The following FGF18 variants were observed in gnomAD, a reference collection of about 807,000 sequenced individuals.
The protein encoded by FGF18 is fibroblast growth factor 18.
A neutral mutation model predicts 23.0 loss-of-function variants in FGF18; 5 were observed. That is an observed-to-expected ratio of 0.22 (90% CI 0.11 to 0.46). The LOEUF (loss-of-function observed/expected upper bound fraction) is 0.46. Ranked by LOEUF, FGF18 falls within the 20% of genes least tolerant of loss-of-function variation. The probability of loss-of-function intolerance (pLI) is 0.99; values close to 1 mark genes in which losing one functional copy is unlikely to be tolerated. For missense variants in FGF18, 180 were observed against 291.6 expected, an observed-to-expected ratio of 0.62 and a Z score of 2.79; for synonymous variants, 117 against 118.9, an observed-to-expected ratio of 0.98 and a Z score of 0.10.
chr5:171,431,814 T>G (rs1772186233), intron 2 of FGF18, among the ~76,000 whole-genome samples: 1 of 152,120 alleles, frequency 6.6e-6, no homozygotes, highest in African/African-American at 2.4e-5. Context: ...ATCCCAGCAC[T>G]TTGGGAGGCC....
At chr5:171,424,338 T>A in intron 2 of FGF18, among the ~76,000 whole-genome samples, 2 of 152,186 alleles carry the variant, frequency 1.3e-5, no homozygotes, top group East Asian at 3.9e-4. Context: ...GGAGCAGTGA[T>A]TTGCATGAAG....
chr5:171,452,123 A>T (rs937882786), intron 4 of FGF18, among the ~76,000 whole-genome samples: 30 of 152,232 alleles, frequency 2.0e-4, no homozygotes, highest in African/African-American at 6.5e-4. Context: ...AGCCTGAATT[A>T]TTCACATCAA....
chr5:171,441,256 C>G (rs1772339494), intron 3 of FGF18, among the ~76,000 whole-genome samples: 1 of 152,184 alleles, frequency 6.6e-6, no homozygotes, highest in Non-Finnish European at 1.5e-5. Context: ...GTCCATTTTC[C>G]ACACGCATCC....
chr5:171,437,606 G>A (rs1772270136), intron 3 of FGF18, among the ~76,000 whole-genome samples: 1 of 152,082 alleles, frequency 6.6e-6, no homozygotes, highest in African/African-American at 2.4e-5. Context: ...TCGGACCACA[G>A]CTTCCCTCCT....
intron 3 of FGF18, among the ~76,000 whole-genome samples, chr5:171,437,264 A>C (rs1772261617): frequency 6.6e-6 from 1 of 152,196 alleles, no homozygotes; most frequent in African/African-American, 2.4e-5. Flanking sequence ...GGACGTGACA[A>C]CAAGACAAAT....
intron 2 of FGF18, among the ~76,000 whole-genome samples, chr5:171,424,267 G>C (rs1455537487): frequency 6.6e-6 from 1 of 152,254 alleles, no homozygotes; most frequent in East Asian, 1.9e-4. Flanking sequence ...GCACTGTGAA[G>C]TGGAGTGAGG....
At chr5:171,444,070 G>A (rs3884606) in intron 3 of FGF18, among the ~76,000 whole-genome samples, 82,334 of 151,772 alleles carry the variant, frequency 0.54, 22,453 homozygotes, top group South Asian at 0.6. Flanking sequence ...CCCATCTCCC[G>A]GTATCAAAGG....
rs956042740 is a variant in FGF18 at position 171,456,473 on chromosome 5, C to T, written c.358-66C>T. 10 of 1,508,772 alleles carry T rather than the reference C, an allele frequency of 6.6e-6. No homozygotes were observed. The highest frequency in any genetic ancestry group is 2.8e-5 in the African/African-American group (2 of 72,256). The allele number at this position is 1,508,772 out of a possible 1,614,324, so 93.5% of individuals were successfully genotyped here. A position where few individuals can be genotyped will look rare whatever the true frequency, so the allele number is the denominator to read the frequency against. ...CAATGGTCCTGAATAAAACCTTCCT[C>T]GCTGTGCTTTGGCAAGCATAACTGA... On this transcript the variant is annotated intron_variant, in intron 4 of 4. Coordinates refer to ENST00000274625, the MANE Select transcript of FGF18 (RefSeq NM_003862.3). The surrounding 1 kb of genome is among the most constrained non-coding windows in gnomAD (Gnocchi z 6.1).
Position 171,456,520 on chromosome 5 carries a change from C to T in FGF18, c.358-19C>T, listed in dbSNP as rs769438106. On this transcript the variant is annotated intron_variant, in intron 4 of 4. Coordinates refer to ENST00000274625, the MANE Select transcript of FGF18 (RefSeq NM_003862.3). This position sits in a 1 kb window ranked among gnomAD's most constrained non-coding sequence, Gnocchi z 6.1. Reference sequence around the variant, plus strand: ...CTGAGTCATTTTTTTCTTGAACACTCCCCCTCTCTCCCCTGCAGCCCGATG... The same window carrying T: ...CTGAGTCATTTTTTTCTTGAACACTTCCCCTCTCTCCCCTGCAGCCCGATG... 1 of 1,605,834 alleles carries T rather than the reference C, an allele frequency of 6.2e-7. No homozygotes were observed. Among genetic ancestry groups the T allele is most frequent in the Non-Finnish European group, 8.5e-7 (1 of 1,174,694 alleles).
At chr5:171,428,272 G>A (rs1034800269) in intron 2 of FGF18, among the ~76,000 whole-genome samples, 4 of 152,242 alleles carry the variant, frequency 2.6e-5, no homozygotes, top group African/African-American at 4.8e-5. Flanking sequence ...TGGGGACCGG[G>A]ATCCAGACTG....
rs1772507228 is a variant in FGF18, at chr5:171,451,478, T to C, written c.357+2225T>C. On this transcript the variant is annotated intron_variant, in intron 4 of 4. Coordinates refer to ENST00000274625, the MANE Select transcript of FGF18 (RefSeq NM_003862.3). This position sits in a 1 kb window ranked among gnomAD's most constrained non-coding sequence, Gnocchi z 4.5. ...AGGCCCTGGGTGTCCCCTCCTGCCC[T>C]AACCCCTGCCACCGCCTCTGTTCTG... 6.6e-6 allele frequency among the ~76,000 whole-genome samples: 1 copy of C among 152,138 alleles called. No individual in the cohort carries two copies. The highest frequency in any genetic ancestry group is 2.4e-5 in the African/African-American group (1 of 41,456).
intron 4 of FGF18, among the ~76,000 whole-genome samples, chr5:171,450,774 G>A (rs1772491056): frequency 6.6e-6 from 1 of 152,048 alleles, no homozygotes; most frequent in Non-Finnish European, 1.5e-5. Flanking sequence ...CCCCTAGCCT[G>A]GCCGGTCCCC....
chr5:171,425,312 C>T (rs559085813), intron 2 of FGF18, among the ~76,000 whole-genome samples: 2 of 152,178 alleles, frequency 1.3e-5, no homozygotes, highest in African/African-American at 4.8e-5. Flanking sequence ...GGTGCGATCT[C>T]GGCTAACTGC....
rs543114966 is a variant in FGF18 at position 171,442,598 on chromosome 5, C to T, written c.250+6325C>T. On this transcript the variant is annotated intron_variant, in intron 3 of 4. Transcript: ENST00000274625. ...GCTCTTGCGGGTCTTGGGGACTTTA[C>T]CCCAGGCTTGGGGAAAACAAACCCA... 4.6e-5 allele frequency among the ~76,000 whole-genome samples: 7 copies of T among 152,372 alleles called. No individual in the cohort carries two copies. In the South Asian group the frequency reaches 1.2e-3, roughly 27 times the overall value.
intron 2 of FGF18, among the ~76,000 whole-genome samples, chr5:171,428,823 A>G (rs987099194): frequency 2.0e-4 from 31 of 152,212 alleles, no homozygotes; most frequent in Non-Finnish European, 3.4e-4. Flanking sequence ...GAGAGAGAAC[A>G]GGCCATGGGT....
At chr5:171,430,949 G>C (rs1205193195) in intron 2 of FGF18, among the ~76,000 whole-genome samples, 3 of 152,216 alleles carry the variant, frequency 2.0e-5, no homozygotes, top group Non-Finnish European at 2.9e-5. Flanking sequence ...GTGAAGCCAG[G>C]TGACAGCTAA....
At chr5:171,424,690 A>G (rs1772065208) in intron 2 of FGF18, among the ~76,000 whole-genome samples, 1 of 152,092 alleles carries the variant, frequency 6.6e-6, no homozygotes, top group Non-Finnish European at 1.5e-5. Context: ...GAGCCCAGGT[A>G]GGCGTCTCTG....
intron 3 of FGF18, among the ~76,000 whole-genome samples, chr5:171,448,633 TTGTC>T (rs1431173770): frequency 6.6e-6 from 1 of 152,104 alleles, no homozygotes; most frequent in Non-Finnish European, 1.5e-5. Context: ...ATTTTTGTGA[TTGTC>T]TGTCTTGCTT....
chr5:171,456,469 T>C lies in FGF18; in HGVS notation c.358-70T>C. 1 of 1,509,564 alleles carries C rather than the reference T, an allele frequency of 6.6e-7. No homozygotes were observed. Among genetic ancestry groups the C allele is most frequent in the East Asian group, 2.3e-5 (1 of 44,094 alleles). The allele number at this position is 1,509,564 out of a possible 1,614,324, so 93.5% of individuals were successfully genotyped here. On this transcript the variant is annotated intron_variant, in intron 4 of 4. Transcript: ENST00000274625. This position sits in a 1 kb window ranked among gnomAD's most constrained non-coding sequence, Gnocchi z 6.1. ...ATCGCAATGGTCCTGAATAAAACCTTCCTCGCTGTGCTTTGGCAAGCATAA... is the reference window on the plus strand; with the variant it reads ...ATCGCAATGGTCCTGAATAAAACCTCCCTCGCTGTGCTTTGGCAAGCATAA...
Sources: gnomAD v4.1 joint callset for allele counts (sites outside exome capture counted in the v4.1 genomes callset) on GRCh38, gnomAD v4.1.1 for gene constraint, Gnocchi (gnomAD v3.1) non-coding constraint, MANE v1.5 for transcripts, NCBI Gene and HGNC (gene_info 2026-07-23, HGNC 2026-07-21) for gene names.